ADCY2: variants seen among roughly 807,000 people sequenced by gnomAD.
ADCY2 encodes adenylate cyclase 2.
A neutral mutation model predicts 125.2 loss-of-function variants in ADCY2; 31 were observed. That is an observed-to-expected ratio of 0.25 (90% confidence interval 0.19 to 0.33). ADCY2 has a LOEUF of 0.33. ADCY2 is among the 10% of genes least tolerant of loss of function. The pLI is 1.00. For synonymous variants in ADCY2, 512 were observed against 548.4 expected, an observed-to-expected ratio of 0.93 and a Z score of 0.93; for missense variants, 904 against 1,418.2, an observed-to-expected ratio of 0.64 and a Z score of 5.82.
chr5:7,454,258 T>C (rs1026295059), intron 2 of ADCY2, among the ~76,000 whole-genome samples: 18 of 152,328 alleles, frequency 1.2e-4, no homozygotes, highest in Non-Finnish European at 2.1e-4. Flanking sequence ...TTAGCAATAA[T>C]GTGCTTTTAA....
chr5:7,796,582 T>C (rs908382881), intron 20 of ADCY2: 7 of 152,246 alleles, frequency 4.6e-5, no homozygotes, highest in African/African-American at 1.7e-4. Context: ...CTCGGGCTCA[T>C]GGGCATAGGG....
At chr5:7,495,660 A>G (rs890452791) in intron 2 of ADCY2, among the ~76,000 whole-genome samples, 10 of 152,334 alleles carry the variant, frequency 6.6e-5, no homozygotes, top group East Asian at 1.9e-4. Context: ...TTTATTTCCA[A>G]TGCAGTTGGT....
intron 4 of ADCY2, among the ~76,000 whole-genome samples, chr5:7,649,761 C>T (rs1739019704): frequency 4.6e-5 from 7 of 152,338 alleles, no homozygotes. Flanking sequence ...GTATAGTCTT[C>T]ATTTGAATTA....
intron 4 of ADCY2, among the ~76,000 whole-genome samples, chr5:7,656,885 G>C (rs1739355531): frequency 6.6e-6 from 1 of 152,196 alleles, no homozygotes; most frequent in South Asian, 2.1e-4. Context: ...TGAGTATCCA[G>C]AATCTGAAAA....
chr5:7,581,231 C>T (rs372227011), intron 3 of ADCY2, among the ~76,000 whole-genome samples: 1 of 152,042 alleles, frequency 6.6e-6, no homozygotes, highest in African/African-American at 2.4e-5. Flanking sequence ...ATGATAACAT[C>T]ATATTGAAAA....
intron 3 of ADCY2, among the ~76,000 whole-genome samples, chr5:7,532,119 T>C (rs1734669649): frequency 6.6e-6 from 1 of 152,198 alleles, no homozygotes; most frequent in African/African-American, 2.4e-5. Context: ...TGAAGAAACA[T>C]ATGGGAATTT....
In ADCY2 at chr5:7,820,674, C is replaced by A; in HGVS notation, c.3108C>A (p.Val1036=). 1 of 1,613,666 alleles carries A rather than the reference C, an allele frequency of 6.2e-7. No homozygotes were observed. The highest frequency in any genetic ancestry group is 1.1e-5 in the South Asian group (1 of 91,042). ...CCAGTAGGATGGACAGCACCGGAGT[C>A]CTGGACAAAATACAGGTAATGCAGA... ...NVASRMDSTG[V]LDKIQVTEET... Residue 1036 remains valine, a synonymous_variant, in exon 24 of 25, where the codon GTC becomes GTA. Coordinates refer to ENST00000338316, the MANE Select transcript of ADCY2 (RefSeq NM_020546.3).
chr5:7,721,650 G>A (rs1297387390), intron 12 of ADCY2, among the ~76,000 whole-genome samples: 1 of 152,164 alleles, frequency 6.6e-6, no homozygotes, highest in Non-Finnish European at 1.5e-5. Flanking sequence ...TTATTAAATA[G>A]GGAATCCTTT....
intron 3 of ADCY2, among the ~76,000 whole-genome samples, chr5:7,531,141 C>A (rs1274863961): frequency 6.6e-6 from 1 of 152,132 alleles, no homozygotes; most frequent in Non-Finnish European, 1.5e-5. Flanking sequence ...CAAATCACTC[C>A]TTGGCATAAG....
At chr5:7,491,675 A>G (rs552067863) in intron 2 of ADCY2, among the ~76,000 whole-genome samples, 28 of 152,284 alleles carry the variant, frequency 1.8e-4, no homozygotes, top group African/African-American at 6.5e-4. Flanking sequence ...AATAGATGTT[A>G]AAATCACTAC....
intron 19 of ADCY2, among the ~76,000 whole-genome samples, chr5:7,788,753 C>T (rs1744161363): frequency 6.6e-6 from 1 of 152,138 alleles, no homozygotes; most frequent in African/African-American, 2.4e-5. Flanking sequence ...AATTAATCAA[C>T]TCAACAAAGC....
chr5:7,584,337 G>C (rs2126616050), intron 3 of ADCY2, among the ~76,000 whole-genome samples: 1 of 152,188 alleles, frequency 6.6e-6, no homozygotes. Context: ...ATTTCTAAAA[G>C]GGAATTTTCT....
intron 3 of ADCY2, among the ~76,000 whole-genome samples, chr5:7,541,922 G>A (rs1203117789): frequency 2.0e-5 from 3 of 152,174 alleles, no homozygotes; most frequent in African/African-American, 4.8e-5. Flanking sequence ...CTATTTCCAC[G>A]AAATGGATGG....
chr5:7,498,394 G>GC (rs751505933), intron 2 of ADCY2, among the ~76,000 whole-genome samples: 30 of 151,576 alleles, frequency 2.0e-4, no homozygotes, highest in East Asian at 1.4e-3. Flanking sequence ...GACTACAGGC[G>GC]CCCCCCACCG....
chr5:7,593,095 C>CT (rs952613854), intron 3 of ADCY2, among the ~76,000 whole-genome samples: 1 of 152,148 alleles, frequency 6.6e-6, no homozygotes, highest in Non-Finnish European at 1.5e-5. Flanking sequence ...GGAGGGAGAG[C>CT]TGTGGAAGCA....
chr5:7,485,270 T>C (rs115367067), intron 2 of ADCY2, among the ~76,000 whole-genome samples: 1,556 of 152,206 alleles, frequency 0.01, 31 homozygotes, highest in African/African-American at 0.035. Context: ...AAACTATCAA[T>C]TGGAAAAAGT....
At chr5:7,584,005 G>T (rs1736531839) in intron 3 of ADCY2, among the ~76,000 whole-genome samples, 1 of 152,078 alleles carries the variant, frequency 6.6e-6, no homozygotes, top group African/African-American at 2.4e-5. Context: ...TTATATGAGG[G>T]TAAGACTGGA....
intron 4 of ADCY2, among the ~76,000 whole-genome samples, chr5:7,666,481 G>A (rs566369928): frequency 2.8e-3 from 420 of 151,996 alleles, no homozygotes; most frequent in Non-Finnish European, 4.2e-3. Context: ...TGTTAGTCAG[G>A]ATGGTCTCGA....
chr5:7,784,482 C>A (rs1036144750), intron 19 of ADCY2, 33 bp downstream of exon 19: 1 of 1,487,802 alleles, frequency 6.7e-7, no homozygotes, highest in African/African-American at 1.4e-5. Context: ...TGTATGTATA[C>A]CTTCTCTAAA....
Sources: allele counts gnomAD v4.1 joint callset (sites outside exome capture counted in the v4.1 genomes callset), GRCh38; gene constraint gnomAD v4.1.1; transcripts MANE v1.5; gene names NCBI Gene and HGNC (gene_info 2026-07-23, HGNC 2026-07-21).